Variants in LYPD6B observed in about 807,000 individuals in gnomAD.
LYPD6B encodes the protein LY6/PLAUR domain containing 6B.
In LYPD6B, 17 loss-of-function variants were observed where a neutral mutation model predicts 22.8. The ratio of observed to expected loss-of-function variants is 0.75; its 90% CI spans 0.51 to 1.12. LYPD6B has a LOEUF of 1.12. Among genes scored for constraint, LYPD6B ranks in the 50% most tolerant of loss-of-function variants. LYPD6B has a pLI of 0.00. For synonymous variants in LYPD6B, 106 were observed against 91.6 expected (o/e 1.16, Z -0.90); for missense variants, 221 against 258.3 (o/e 0.86, Z 0.99).
rs369585217 is a variant in LYPD6B at position 149,080,658 on chromosome 2, A to G, written c.-67+41857A>G. 1.8e-4 allele frequency among the ~76,000 whole-genome samples: 27 copies of G among 152,052 alleles called. 1 individual carries two copies. The highest frequency in any genetic ancestry group is 1.3e-3 in the Admixed American group (20 of 15,266). On this transcript the variant is annotated intron_variant, in intron 1 of 6. Coordinates refer to ENST00000409642, the MANE Select transcript of LYPD6B (RefSeq NM_177964.5). Reference sequence around the variant, plus strand: ...GGAGTTTGAGACCAGCCTGGACAACATGGTGAAACCCCGACTCTACTAAAA... The same window carrying G: ...GGAGTTTGAGACCAGCCTGGACAACGTGGTGAAACCCCGACTCTACTAAAA...
chr2:149,060,983 A>C (rs1330674294), intron 1 of LYPD6B, among the ~76,000 whole-genome samples: 1 of 152,184 alleles, frequency 6.6e-6, no homozygotes, highest in Non-Finnish European at 1.5e-5. Flanking sequence ...TTTAGAACTT[A>C]ACCTTTGGGC....
chr2:149,087,027 C>T (rs1305620941), intron 1 of LYPD6B, among the ~76,000 whole-genome samples: 2 of 151,776 alleles, frequency 1.3e-5, no homozygotes, highest in Non-Finnish European at 2.9e-5. Flanking sequence ...TTAAAAAAAC[C>T]CTATCTCCAA....
chr2:149,183,249 A>G (rs1239310670), intron 3 of LYPD6B, among the ~76,000 whole-genome samples: 1 of 152,212 alleles, frequency 6.6e-6, no homozygotes, highest in East Asian at 1.9e-4. Context: ...TAGAAGAGCT[A>G]TGGAGTTTGC....
At chr2:149,148,618 C>A (rs1032877963) in intron 2 of LYPD6B, among the ~76,000 whole-genome samples, 1 of 152,150 alleles carries the variant, frequency 6.6e-6, no homozygotes, top group Admixed American at 6.5e-5. Context: ...GGTGTTATCA[C>A]GTAAGTCAGA....
At chr2:149,044,203 C>T (rs1352040454) in intron 1 of LYPD6B, among the ~76,000 whole-genome samples, 1 of 152,020 alleles carries the variant, frequency 6.6e-6, no homozygotes. Flanking sequence ...ATTAAATCTA[C>T]AGATTAATTT....
chr2:149,150,294 G>A (rs1689289246), intron 2 of LYPD6B, among the ~76,000 whole-genome samples: 1 of 152,140 alleles, frequency 6.6e-6, no homozygotes, highest in Admixed American at 6.6e-5. Context: ...CTTGTTTTCT[G>A]AATCCATCAT....
intron 1 of LYPD6B, among the ~76,000 whole-genome samples, chr2:149,043,246 G>A (rs1683170464): frequency 6.6e-6 from 1 of 151,988 alleles, no homozygotes; most frequent in Non-Finnish European, 1.5e-5. Flanking sequence ...TAGAAAAAGT[G>A]GTCTCTTTAC....
intron 3 of LYPD6B, among the ~76,000 whole-genome samples, chr2:149,193,304 T>A (rs1692610368): frequency 6.6e-6 from 1 of 152,138 alleles, no homozygotes; most frequent in Non-Finnish European, 1.5e-5. Context: ...TGCCACTACT[T>A]TTAAAGGTAC....
In LYPD6B at chr2:149,120,377, A is replaced by ATTTT. The variant is rs1343156188; in HGVS notation, c.-66-10505_-66-10504insTTTT. Among the ~76,000 whole-genome samples, 333 of 43,050 alleles carry ATTTT rather than the reference A, an allele frequency of 7.7e-3. 28 individuals carry two copies. The highest frequency in any genetic ancestry group is 9.2e-3 in the Non-Finnish European group (252 of 27,300). The allele number at this position is 43,050 out of a possible 152,430, so 28.2% of individuals were successfully genotyped here. A position where few individuals can be genotyped will look rare whatever the true frequency, so the allele number is the denominator to read the frequency against. On this transcript the variant is annotated intron_variant, in intron 1 of 6. Transcript: ENST00000409642. ...TGTGTGTGTGTATATATATATATAT[A>ATTTT]TATATATTTTTTTTTTTTTTTTTTT... is the stretch of plus-strand genomic sequence containing the variant.
intron 1 of LYPD6B, among the ~76,000 whole-genome samples, chr2:149,088,202 C>T (rs890359540): frequency 2.6e-5 from 4 of 151,480 alleles, no homozygotes; most frequent in Non-Finnish European, 4.4e-5. Context: ...TGAGTGGCTT[C>T]TAGAACCTTC....
intron 3 of LYPD6B, 31 bp downstream of exon 3, chr2:149,160,866 G>C: frequency 6.7e-7 from 1 of 1,493,704 alleles, no homozygotes; most frequent in Non-Finnish European, 9.1e-7. Context: ...AACAGCCCTC[G>C]GCTTTTCATT....
intron 3 of LYPD6B, among the ~76,000 whole-genome samples, chr2:149,168,038 A>G (rs1302559312): frequency 6.6e-6 from 1 of 151,772 alleles, no homozygotes; most frequent in African/African-American, 2.4e-5. Flanking sequence ...GTCAAAACCC[A>G]ATCTCTACAA....
At chr2:149,204,324 G>A (rs1485332032) in intron 3 of LYPD6B, among the ~76,000 whole-genome samples, 2 of 152,300 alleles carry the variant, frequency 1.3e-5, no homozygotes, top group East Asian at 1.9e-4. Flanking sequence ...TCGGGTTCCC[G>A]GTTACATACT....
intron 1 of LYPD6B, among the ~76,000 whole-genome samples, chr2:149,053,875 C>T (rs1683672980): frequency 6.6e-6 from 1 of 152,184 alleles, no homozygotes; most frequent in African/African-American, 2.4e-5. Context: ...TTTCACTTGG[C>T]ATATGCTTTC....
intron 1 of LYPD6B, among the ~76,000 whole-genome samples, chr2:149,097,714 A>G (rs1462276385): frequency 6.6e-6 from 1 of 152,208 alleles, no homozygotes; most frequent in Non-Finnish European, 1.5e-5. Flanking sequence ...GAGTTTTTGG[A>G]TTCGATATTA....
intron 1 of LYPD6B, among the ~76,000 whole-genome samples, chr2:149,065,877 T>C (rs547884750): frequency 6.6e-6 from 1 of 152,120 alleles, no homozygotes; most frequent in Admixed American, 6.5e-5. Context: ...TCTGGCCCTT[T>C]TTTTTTGTAT....
At chr2:149,060,100 C>G (rs1028420939) in intron 1 of LYPD6B, among the ~76,000 whole-genome samples, 1 of 152,030 alleles carries the variant, frequency 6.6e-6, no homozygotes, top group African/African-American at 2.4e-5. Flanking sequence ...GACTACTGCA[C>G]TAGTTACTAG....
At chr2:149,135,719 CAA>C (rs386391471) in intron 2 of LYPD6B, among the ~76,000 whole-genome samples, 1,775 of 32,004 alleles carry the variant, frequency 0.055, 31 homozygotes, top group African/African-American at 0.18. Context: ...GACCATGTCT[CAA>C]AAAAAAAAAA....
chr2:149,059,257 A>C (rs975656629), intron 1 of LYPD6B, among the ~76,000 whole-genome samples: 1 of 151,612 alleles, frequency 6.6e-6, no homozygotes, highest in African/African-American at 2.4e-5. Flanking sequence ...TTTTCCTTTC[A>C]CTCCTTAATA....
Sources: gnomAD v4.1 joint callset for allele counts (sites outside exome capture counted in the v4.1 genomes callset) on GRCh38, gnomAD v4.1.1 for gene constraint, MANE v1.5 for transcripts, NCBI Gene and HGNC (gene_info 2026-07-23, HGNC 2026-07-21) for gene names.